The following ITGA9 variants were observed in gnomAD, a reference collection of about 807,000 sequenced individuals.
ITGA9 encodes the protein integrin subunit alpha 9, also known as integrin alpha-9.
ITGA9 carries 56 observed loss-of-function variants against 127.8 expected under a neutral mutation model. That is an observed-to-expected ratio of 0.44 (90% CI 0.35 to 0.55). The LOEUF (loss-of-function observed/expected upper bound fraction) is 0.55, where lower values mean the gene tolerates loss of function less well. ITGA9 is among the 20% of genes least tolerant of loss of function. The pLI is 0.00. For synonymous variants in ITGA9, 508 were observed against 514.5 expected (o/e 0.99, Z 0.17); for missense variants, 1,196 against 1,347.1 (o/e 0.89, Z 1.76).
At chr3:37,723,347 AATT>A (rs920225027) in intron 18 of ITGA9, among the ~76,000 whole-genome samples, 2 of 151,326 alleles carry the variant, frequency 1.3e-5, no homozygotes, top group African/African-American at 4.8e-5. Flanking sequence ...CTACTTTTGT[AATT>A]ATTATTATTA....
intron 26 of ITGA9, among the ~76,000 whole-genome samples, chr3:37,794,321 AC>A (rs1299908627): frequency 6.6e-6 from 1 of 151,872 alleles, no homozygotes; most frequent in Non-Finnish European, 1.5e-5. Flanking sequence ...TTGACCCCTT[AC>A]CCCTCTGGCC....
chr3:37,622,283 G>A (rs1398554882), intron 15 of ITGA9, among the ~76,000 whole-genome samples: 1 of 151,788 alleles, frequency 6.6e-6, no homozygotes, highest in Non-Finnish European at 1.5e-5. Context: ...TAGAGACAGG[G>A]TTTCACCGTG....
rs1036774984 is a variant in ITGA9 at position 37,525,970 on chromosome 3, G to A, written c.1328-56G>A. 1.7e-5 allele frequency: 25 copies of A among 1,481,658 alleles called. No individual in the cohort carries two copies. In the African/African-American group the frequency reaches 2.8e-4, roughly 16 times the overall value. The allele number at this position is 1,481,658 out of a possible 1,614,324, so 91.8% of individuals were successfully genotyped here. Reference sequence around the variant, plus strand: ...ATCCTTGTGAGCGCATTCCCAGGGCGCGGTTGTGTATGGGCTTCAGCAAGT... The same window carrying A: ...ATCCTTGTGAGCGCATTCCCAGGGCACGGTTGTGTATGGGCTTCAGCAAGT... On this transcript the variant is annotated intron_variant, in intron 12 of 27. Coordinates refer to ENST00000264741, the MANE Select transcript of ITGA9 (RefSeq NM_002207.3).
In ITGA9 at chr3:37,777,430, C is replaced by A. The variant is rs778579106; in HGVS notation, c.2580C>A (p.Asn860Lys). 6.2e-7 allele frequency: 1 copy of A among 1,614,004 alleles called. No individual in the cohort carries two copies. Among genetic ancestry groups the A allele is most frequent in the Non-Finnish European group, 8.5e-7 (1 of 1,179,980 alleles). The stretch of plus-strand genomic sequence containing the variant: ...AGGGAAACTGCTCTTTCCAGAAAAA[C>A]CCAACTCCCTGCATCATCCCTCAAG... The part of the protein sequence containing the change: ...QEKGNCSFQK[N>K]PTPCIIPQEQ... The change falls in exon 24 of 28, where the codon AAC becomes AAA. Residue 860 changes from asparagine (N) to lysine (K), a missense_variant. By Grantham distance (94) the Asn-to-Lys change is moderately conservative. Transcript: ENST00000264741.
chr3:37,580,726 A>G (rs1248238577), intron 15 of ITGA9, among the ~76,000 whole-genome samples: 1 of 152,058 alleles, frequency 6.6e-6, no homozygotes, highest in Non-Finnish European at 1.5e-5. Context: ...ATTCTAAATC[A>G]ACTCAGGTCT....
At chr3:37,638,831 A>C (rs192104147) in intron 16 of ITGA9, among the ~76,000 whole-genome samples, 1 of 152,174 alleles carries the variant, frequency 6.6e-6, no homozygotes, top group Non-Finnish European at 1.5e-5. Context: ...TAACATGGAG[A>C]TAGTGACCAG....
Position 37,675,483 on chromosome 3 carries a change from G to A in ITGA9, c.1917-8382G>A, listed in dbSNP as rs6779402. Among the ~76,000 whole-genome samples the A allele has an allele frequency of 6.9e-3, 1,045 of 152,214 alleles. 15 individuals carry two copies. The highest frequency in any genetic ancestry group is 0.024 in the African/African-American group (978 of 41,522). The stretch of plus-strand genomic sequence containing the variant: ...TGTCTCCAGCTCTGCATCTGGGGGC[G>A]CCTGCACTGACATTCTTTATTCCCT... On this transcript the variant is annotated intron_variant, in intron 17 of 27. Transcript: ENST00000264741.
At chr3:37,493,419 C>T (rs1426301525) in intron 4 of ITGA9, among the ~76,000 whole-genome samples, 1 of 152,152 alleles carries the variant, frequency 6.6e-6, no homozygotes, top group Non-Finnish European at 1.5e-5. Flanking sequence ...CTGAGGGTGC[C>T]CAGGAGTGGT....
At chr3:37,682,734 A>G (rs1700745908) in intron 17 of ITGA9, among the ~76,000 whole-genome samples, 1 of 152,154 alleles carries the variant, frequency 6.6e-6, no homozygotes, top group Non-Finnish European at 1.5e-5. Flanking sequence ...TCTTCTAGTT[A>G]TTGAATCCAA....
chr3:37,670,379 C>T (rs978833181), intron 17 of ITGA9, among the ~76,000 whole-genome samples: 4 of 152,184 alleles, frequency 2.6e-5, no homozygotes, highest in Non-Finnish European at 5.9e-5. Flanking sequence ...GTCATTAACT[C>T]AGTCCCTACC....
intron 15 of ITGA9, among the ~76,000 whole-genome samples, chr3:37,564,631 A>C (rs1313392278): frequency 6.6e-6 from 1 of 152,238 alleles, no homozygotes; most frequent in Non-Finnish European, 1.5e-5. Flanking sequence ...CAGCCACTGC[A>C]TACGTGGGTG....
rs751794590 is a variant in ITGA9 at position 37,542,566 on chromosome 3, A to G, written c.1670A>G (p.His557Arg). The G allele has an allele frequency of 3.7e-6, 6 of 1,614,164 alleles. No homozygotes were observed. In the South Asian group the frequency reaches 5.5e-5, roughly 15 times the overall value. Residue 557 changes from histidine (H) to arginine (R), a missense_variant, in exon 15 of 28, where the codon CAC becomes CGC. His to Arg is a conservative substitution (Grantham distance 29, BLOSUM62 0). Coordinates refer to ENST00000264741, the MANE Select transcript of ITGA9 (RefSeq NM_002207.3). ...ACTTACATGGAGGAGACGTGTCGTC[A>G]CTATGTGGCCCATGTGAAGGTCAGT... ...QLTYMEETCR[H>R]YVAHVKRRVQ...
intron 1 of ITGA9, among the ~76,000 whole-genome samples, chr3:37,466,135 C>CA (rs1698367814): frequency 2.6e-5 from 4 of 152,088 alleles, no homozygotes; most frequent in African/African-American, 4.8e-5. Context: ...GTGCCTGCTA[C>CA]ATGCTGGTTG....
chr3:37,753,978 G>C (rs1313838433), intron 23 of ITGA9: 1 of 152,160 alleles, frequency 6.6e-6, no homozygotes, highest in Non-Finnish European at 1.5e-5. Flanking sequence ...TGGGAGGCAG[G>C]CTGTGTCCAC....
chr3:37,571,643 C>G (rs1699603404), intron 15 of ITGA9, among the ~76,000 whole-genome samples: 1 of 152,122 alleles, frequency 6.6e-6, no homozygotes, highest in Non-Finnish European at 1.5e-5. Flanking sequence ...GAGTGCATTT[C>G]AAAGCACTTT....
At chr3:37,769,376 A>G (rs1016381671) in intron 23 of ITGA9, among the ~76,000 whole-genome samples, 1 of 152,100 alleles carries the variant, frequency 6.6e-6, no homozygotes, top group African/African-American at 2.4e-5. Context: ...ATCACATACC[A>G]AAGCTGCAAA....
chr3:37,610,243 C>G (rs1700003596), intron 15 of ITGA9, among the ~76,000 whole-genome samples: 1 of 152,144 alleles, frequency 6.6e-6, no homozygotes, highest in Non-Finnish European at 1.5e-5. Flanking sequence ...GAGGGCAGAG[C>G]TACTTAATAT....
intron 16 of ITGA9, among the ~76,000 whole-genome samples, chr3:37,630,923 A>G (rs1303580668): frequency 6.6e-6 from 1 of 152,158 alleles, no homozygotes; most frequent in Non-Finnish European, 1.5e-5. Context: ...AGAGAAGAGT[A>G]GAAGATAAGG....
chr3:37,555,806 T>C (rs1032435917), intron 15 of ITGA9, among the ~76,000 whole-genome samples: 1 of 152,168 alleles, frequency 6.6e-6, no homozygotes, highest in Admixed American at 6.5e-5. Context: ...AGGCCCCATA[T>C]ACAATGGGGG....
Sources: gnomAD v4.1 joint callset for allele counts (sites outside exome capture counted in the v4.1 genomes callset) on GRCh38, gnomAD v4.1.1 for gene constraint, MANE v1.5 for transcripts, NCBI Gene and HGNC (gene_info 2026-07-23, HGNC 2026-07-21) for gene names.